Variants in NOSTRIN observed in about 807,000 individuals in gnomAD.
The protein encoded by NOSTRIN is nitric oxide synthase trafficking, also known as BM247 homolog.
Under a neutral mutation model 59.0 loss-of-function variants are expected in NOSTRIN, and 63 were observed. The ratio of observed to expected loss-of-function variants is 1.07; its 90% CI spans 0.87 to 1.32. The LOEUF is 1.32. Ranked by LOEUF, NOSTRIN falls within the 40% of genes most tolerant of loss-of-function variation. The pLI, the probability that NOSTRIN is intolerant of heterozygous loss-of-function variation, is 0.00. For missense variants in NOSTRIN, 512 were observed against 473.1 expected (o/e 1.08, Z -0.76); for synonymous variants, 200 against 165.4 (o/e 1.21, Z -1.61).
rs978100515 is a variant in NOSTRIN at position 168,806,237 on chromosome 2, G to A, written c.27+3564G>A. 1.1e-4 allele frequency among the ~76,000 whole-genome samples: 17 copies of A among 152,096 alleles called. 1 individual carries two copies. Among genetic ancestry groups the A allele is most frequent in the African/African-American group, 4.1e-4 (17 of 41,506 alleles). On this transcript the variant is annotated intron_variant, in intron 1 of 15. Transcript: ENST00000317647. Reference sequence around the variant, plus strand: ...TGTTAAATTTAAGGGGAATATCATGGTTTCTTTAACACTGTGAGGATCATC... The same window carrying A: ...TGTTAAATTTAAGGGGAATATCATGATTTCTTTAACACTGTGAGGATCATC...
chr2:168,837,371 G>A lies in NOSTRIN; in HGVS notation c.504+3046G>A, dbSNP rs188588452. ...GTCGCCCAGGCTGGAGTGCAGTGGC[G>A]CGATCTCGGCTTACTGCAAGCTCCG... On this transcript the variant is annotated intron_variant, in intron 7 of 15. Transcript: ENST00000317647. Among the ~76,000 whole-genome samples the A allele has an allele frequency of 8.2e-3, 1,122 of 136,940 alleles. 6 individuals carry two copies. The highest frequency in any genetic ancestry group is 0.016 in the Middle Eastern group (4 of 246). 89.8% of individuals were successfully genotyped at this position (136,940 alleles called of 152,430 possible). A position where few individuals can be genotyped will look rare whatever the true frequency, so the allele number is the denominator to read the frequency against.
chr2:168,859,314 A>G (rs1689299393), intron 12 of NOSTRIN, 198 bp from the exon 13 acceptor site: 3 of 664,782 alleles, frequency 4.5e-6, no homozygotes, highest in Non-Finnish European at 7.1e-6. Context: ...CACACTCAAC[A>G]ACTAAAACCT....
chr2:168,825,371 C>G (rs1186993389), intron 3 of NOSTRIN, among the ~76,000 whole-genome samples: 1 of 152,156 alleles, frequency 6.6e-6, no homozygotes, highest in Non-Finnish European at 1.5e-5. Flanking sequence ...CATAATAGGC[C>G]TTGGTAATGA....
chr2:168,794,353 A>AT (rs61395235), upstream of NOSTRIN, among the ~76,000 whole-genome samples: 13,673 of 141,516 alleles, frequency 0.097, 1,258 homozygotes, highest in East Asian at 0.42. Flanking sequence ...AAAAGGGATG[A>AT]TTTTTTTTTT....
intron 12 of NOSTRIN, among the ~76,000 whole-genome samples, chr2:168,857,880 G>A (rs2105782104): frequency 6.6e-6 from 1 of 152,318 alleles, no homozygotes; most frequent in African/African-American, 2.4e-5. Flanking sequence ...ATGCAGTGAG[G>A]TATCGCTGAC....
chr2:168,802,561 G>A (rs906769087), upstream of NOSTRIN: 22 of 827,800 alleles, frequency 2.7e-5, no homozygotes, highest in Non-Finnish European at 3.1e-5. Flanking sequence ...TTTGAATCCC[G>A]GAAGTCCAGG....
intron 15 of NOSTRIN, among the ~76,000 whole-genome samples, chr2:168,862,820 G>A (rs1253704759): frequency 6.6e-6 from 1 of 152,172 alleles, no homozygotes; most frequent in Non-Finnish European, 1.5e-5. Context: ...ATCTGGAAAC[G>A]GAAGGGTTAG....
chr2:168,864,962 A>C lies in NOSTRIN; in HGVS notation c.1513A>C (p.Lys505Gln), dbSNP rs759638259. 6.2e-7 allele frequency: 1 copy of C among 1,614,046 alleles called. No homozygotes were observed. Among genetic ancestry groups the C allele is most frequent in the Non-Finnish European group, 8.5e-7 (1 of 1,179,986 alleles). ...TTCAAATGCTGGCAACACAGCTACA[A>C]AGGCATAAAACAAGACTCTGAACAT... ...LPSNAGNTAT[K>Q]A The change falls in exon 16 of 16, where the codon AAG becomes CAG. Residue 505 changes from lysine to glutamine, a missense_variant. Lys to Gln is a moderately conservative substitution (Grantham distance 53). Coordinates refer to ENST00000317647, the MANE Select transcript of NOSTRIN (RefSeq NM_001039724.4).
intron 8 of NOSTRIN, among the ~76,000 whole-genome samples, chr2:168,844,291 A>G (rs1381922677): frequency 6.6e-6 from 1 of 152,198 alleles, no homozygotes; most frequent in Non-Finnish European, 1.5e-5. Context: ...AAGCAGTACA[A>G]CCCCAGGCTC....
chr2:168,862,466 T>G (rs1390969705), intron 15 of NOSTRIN, among the ~76,000 whole-genome samples: 1 of 152,214 alleles, frequency 6.6e-6, no homozygotes, highest in Non-Finnish European at 1.5e-5. Context: ...GGAAAGTGAT[T>G]AGAGATGTAC....
In NOSTRIN at chr2:168,862,125, G is replaced by A. The variant is rs1047999384; in HGVS notation, c.1384+76G>A. On this transcript the variant is annotated intron_variant, in intron 15 of 15. Coordinates refer to ENST00000317647, the MANE Select transcript of NOSTRIN (RefSeq NM_001039724.4). ...AGCATGAATAAAACCCTGTCTTAGT[G>A]TGGCAGCCTTAAGAGTTACTACCAT... 51 of 1,335,122 alleles carry A rather than the reference G, an allele frequency of 3.8e-5. No homozygotes were observed. The Admixed American group carries it at 4.6e-4, about 12-fold the overall frequency. 82.7% of individuals were successfully genotyped at this position (1,335,122 alleles called of 1,614,324 possible).
chr2:168,802,622 G>T, upstream of NOSTRIN: 1 of 867,176 alleles, frequency 1.2e-6, no homozygotes, highest in South Asian at 1.3e-5. Context: ...GTAGGTGAAA[G>T]GACAAAAGCC....
At chr2:168,811,296 C>G (rs901896862) in intron 1 of NOSTRIN, 2 of 204,498 alleles carry the variant, frequency 9.8e-6, no homozygotes, top group African/African-American at 4.6e-5. Flanking sequence ...TCCAAATGCA[C>G]CCCACTGCTG....
chr2:168,810,855 G>A (rs1315257308), intron 1 of NOSTRIN, among the ~76,000 whole-genome samples: 1 of 152,170 alleles, frequency 6.6e-6, no homozygotes, highest in Non-Finnish European at 1.5e-5. Context: ...AAAATCTGTT[G>A]TCATCAATGT....
chr2:168,859,580 G>T lies in NOSTRIN; in HGVS notation c.1122G>T (p.Glu374Asp), dbSNP rs1689316277. 1 of 1,614,002 alleles carries T rather than the reference G, an allele frequency of 6.2e-7. No individual in the cohort carries two copies. Among genetic ancestry groups the T allele is most frequent in the African/African-American group, 1.3e-5 (1 of 74,926 alleles). The part of the protein sequence containing the change: ...YKLSSMLAEL[E>D]QRPQPSHPCS... ...TGTCATCAATGTTAGCAGAACTTGAGCAAAGACCTCAACCCAGCCATCCTT... is the reference window on the plus strand; with the variant it reads ...TGTCATCAATGTTAGCAGAACTTGATCAAAGACCTCAACCCAGCCATCCTT... Residue 374 changes from glutamate (E) to aspartate (D), a missense_variant, in exon 13 of 16, where the codon GAG (glutamate) becomes GAT (aspartate). Coordinates refer to ENST00000317647, the MANE Select transcript of NOSTRIN (RefSeq NM_001039724.4).
At chr2:168,834,490 T>TGCGCGCGCGCGC (rs145224351) in intron 7 of NOSTRIN, among the ~76,000 whole-genome samples, 165 bp downstream of exon 7, 1 of 87,558 alleles carries the variant, frequency 1.1e-5, no homozygotes, top group Middle Eastern at 5.9e-3. Context: ...ATTACTGGCG[T>TGCGCGCGCGCGC]GCGCGCGCGC....
At position 168,859,566 on chromosome 2, in the gene NOSTRIN, T is replaced by G. The variant is rs753405451; in HGVS notation, c.1108T>G (p.Leu370Val). The change falls in exon 13 of 16, where the codon TTA (leucine) becomes GTA (valine). Residue 370 changes from leucine to valine, a missense_variant. Transcript: ENST00000317647. Reference sequence around the variant, plus strand: ...GAACTCCTACAAACTGTCATCAATGTTAGCAGAACTTGAGCAAAGACCTCA... The same window carrying G: ...GAACTCCTACAAACTGTCATCAATGGTAGCAGAACTTGAGCAAAGACCTCA... ...EANSYKLSSM[L>V]AELEQRPQPS... 3.1e-6 allele frequency: 5 copies of G among 1,614,178 alleles called. No individual in the cohort carries two copies. The highest frequency in any genetic ancestry group is 4.2e-6 in the Non-Finnish European group (5 of 1,180,020).
intron 2 of NOSTRIN, among the ~76,000 whole-genome samples, chr2:168,813,686 A>G (rs1283620888): frequency 6.6e-6 from 1 of 152,184 alleles, no homozygotes; most frequent in East Asian, 1.9e-4. Context: ...ACATCCTTAT[A>G]GAGAAGAATT....
intron 2 of NOSTRIN, among the ~76,000 whole-genome samples, chr2:168,812,396 C>T (rs1686190462): frequency 1.3e-5 from 2 of 152,240 alleles, no homozygotes; most frequent in East Asian, 1.9e-4. Context: ...TGGTTGCATC[C>T]TGAATTAGTA....
Sources: allele counts gnomAD v4.1 joint callset (sites outside exome capture counted in the v4.1 genomes callset), GRCh38; gene constraint gnomAD v4.1.1; transcripts MANE v1.5; gene names NCBI Gene and HGNC (gene_info 2026-07-23, HGNC 2026-07-21).